The following RNGTT variants were observed in gnomAD, a reference collection of about 807,000 sequenced individuals.
The protein encoded by RNGTT is RNA guanylyltransferase and 5'-phosphatase, also known as mRNA-capping enzyme.
Under a neutral mutation model 79.3 loss-of-function variants are expected in RNGTT, and 33 were observed. The ratio of observed to expected loss-of-function variants is 0.42; its 90% CI spans 0.32 to 0.56. The LOEUF (loss-of-function observed/expected upper bound fraction) is 0.56. Among genes scored for constraint, RNGTT ranks in the 20% least tolerant of loss-of-function variants. RNGTT has a pLI of 0.17. For missense variants in RNGTT, 497 were observed against 739.1 expected, an observed-to-expected ratio of 0.67 and a Z score of 3.80; for synonymous variants, 222 against 235.9, an observed-to-expected ratio of 0.94 and a Z score of 0.54.
At chr6:88,950,047 T>G (rs760455783) in intron 1 of RNGTT, among the ~76,000 whole-genome samples, 1 of 150,158 alleles carries the variant, frequency 6.7e-6, no homozygotes, top group Non-Finnish European at 1.5e-5. Flanking sequence ...TTTACCATTC[T>G]GAAAATACTA....
At chr6:88,959,204 A>G (rs1785533160) in intron 1 of RNGTT, among the ~76,000 whole-genome samples, 1 of 149,996 alleles carries the variant, frequency 6.7e-6, no homozygotes, top group African/African-American at 2.5e-5. Context: ...TTGGGTACTC[A>G]GGGGGAAGTG....
At chr6:88,950,958 G>A (rs926310227) in intron 1 of RNGTT, among the ~76,000 whole-genome samples, 5 of 151,364 alleles carry the variant, frequency 3.3e-5, no homozygotes, top group African/African-American at 7.3e-5. Context: ...TCCCGGGTTC[G>A]AGTGATTCTC....
chr6:88,692,285 C>A (rs1421269780), intron 13 of RNGTT, among the ~76,000 whole-genome samples: 2 of 152,104 alleles, frequency 1.3e-5, no homozygotes, highest in Admixed American at 6.6e-5. Flanking sequence ...TGGTTATTTG[C>A]CAGCCCCTGC....
chr6:88,705,762 T>G (rs1056097363), intron 13 of RNGTT, among the ~76,000 whole-genome samples: 1 of 152,088 alleles, frequency 6.6e-6, no homozygotes, highest in Admixed American at 6.5e-5. Flanking sequence ...ACAGATAAAG[T>G]GAATTTATTG....
intron 13 of RNGTT, among the ~76,000 whole-genome samples, chr6:88,696,012 CAGGG>C (rs963823283): frequency 3.3e-5 from 5 of 152,078 alleles, no homozygotes; most frequent in South Asian, 2.1e-4. Flanking sequence ...ATGGGGGAAA[CAGGG>C]AGATGTTGAT....
intron 4 of RNGTT, among the ~76,000 whole-genome samples, chr6:88,927,564 A>T: frequency 6.6e-6 from 1 of 152,058 alleles, no homozygotes; most frequent in Non-Finnish European, 1.5e-5. Context: ...CAGGAGGCTG[A>T]GGCAGGAGAA....
rs140794663 is a variant in RNGTT, at chr6:88,904,580, T to C, written c.684+135A>G. 517 of 1,100,264 alleles carry C rather than the reference T, an allele frequency of 4.7e-4. 6 individuals carry two copies. The African/African-American group carries it at 7.9e-3, about 17-fold the overall frequency. 68.2% of individuals were successfully genotyped at this position (1,100,264 alleles called of 1,614,324 possible). A position where few individuals can be genotyped will look rare whatever the true frequency, so the allele number is the denominator to read the frequency against. On this transcript the variant is annotated intron_variant, in intron 6 of 15. Transcript: ENST00000369485. ...TTCTCTCCAAAAAAAAAAAATTTTTTTTTTAGAAAGGGCTAGGATGAATCA... is the reference window on the plus strand; with the variant it reads ...TTCTCTCCAAAAAAAAAAAATTTTTCTTTTAGAAAGGGCTAGGATGAATCA...
At chr6:88,650,064 A>C (rs1003111101) in intron 14 of RNGTT, among the ~76,000 whole-genome samples, 1 of 152,210 alleles carries the variant, frequency 6.6e-6, no homozygotes, top group African/African-American at 2.4e-5. Context: ...ACTTTGCTTA[A>C]GATTTTTACT....
chr6:88,800,393 A>G (rs1302248944), intron 12 of RNGTT, among the ~76,000 whole-genome samples: 1 of 152,182 alleles, frequency 6.6e-6, no homozygotes. Context: ...AATTAGAGAT[A>G]CTCAACCTGT....
intron 2 of RNGTT, among the ~76,000 whole-genome samples, chr6:88,936,497 C>T (rs1306464939): frequency 4.6e-5 from 7 of 152,146 alleles, no homozygotes; most frequent in South Asian, 2.1e-4. Flanking sequence ...ATTAGTATGA[C>T]GTTAGCTGTG....
intron 13 of RNGTT, among the ~76,000 whole-genome samples, chr6:88,759,292 T>C (rs1778126883): frequency 6.6e-6 from 1 of 152,220 alleles, no homozygotes; most frequent in Admixed American, 6.5e-5. Flanking sequence ...ACTTTCTTAC[T>C]TTCTGGCATA....
chr6:88,941,244 T>C, intron 1 of RNGTT, 64 bp from the exon 2 acceptor site: 4 of 1,120,148 alleles, frequency 3.6e-6, no homozygotes, highest in Non-Finnish European at 5.3e-6. Flanking sequence ...AATTCTATAA[T>C]TAACAATTCT....
At chr6:88,731,897 C>T (rs897394940) in intron 13 of RNGTT, among the ~76,000 whole-genome samples, 1 of 151,794 alleles carries the variant, frequency 6.6e-6, no homozygotes, top group Non-Finnish European at 1.5e-5. Flanking sequence ...GTATTATATA[C>T]TATATTCTTA....
chr6:88,786,358 C>T (rs550122004), intron 12 of RNGTT, among the ~76,000 whole-genome samples: 1 of 152,116 alleles, frequency 6.6e-6, no homozygotes, highest in Non-Finnish European at 1.5e-5. Context: ...CATTTTACTA[C>T]CAACTTTGTA....
Position 88,614,302 on chromosome 6 carries a change from T to G in RNGTT, c.1600A>C (p.Ser534Arg). 1.2e-6 allele frequency: 2 copies of G among 1,613,990 alleles called. No individual in the cohort carries two copies. The change falls in exon 15 of 16, where the codon AGT becomes CGT. Residue 534 changes from serine to arginine, a missense_variant. By Grantham distance (110) the Ser-to-Arg change is moderately radical. Coordinates refer to ENST00000369485, the MANE Select transcript of RNGTT (RefSeq NM_003800.5). ...GCAGTGTTGTAGGCATTAGGAAAACTTTTGTCTGTTCTCTGTCTCATGAAG... is the reference window on the plus strand; with the variant it reads ...GCAGTGTTGTAGGCATTAGGAAAACGTTTGTCTGTTCTCTGTCTCATGAAG... ...WVFMRQRTDKSFPNAYNTAMA... is the reference protein window; with the variant it reads ...WVFMRQRTDKRFPNAYNTAMA...
At chr6:88,696,151 C>G (rs568152291) in intron 13 of RNGTT, among the ~76,000 whole-genome samples, 1 of 152,112 alleles carries the variant, frequency 6.6e-6, no homozygotes, top group South Asian at 2.1e-4. Context: ...AAATTTCAAA[C>G]GTGCTCACCA....
chr6:88,776,000 A>T (rs1326260630), intron 12 of RNGTT, among the ~76,000 whole-genome samples: 1 of 152,172 alleles, frequency 6.6e-6, no homozygotes, highest in Non-Finnish European at 1.5e-5. Flanking sequence ...TGTAATGAAC[A>T]TGGGGGCATA....
At chr6:88,673,174 A>ATG (rs1379446796) in intron 14 of RNGTT, among the ~76,000 whole-genome samples, 2 of 152,212 alleles carry the variant, frequency 1.3e-5, no homozygotes, top group African/African-American at 2.4e-5. Flanking sequence ...ATGAATGAGA[A>ATG]TGTCTTTTCC....
At chr6:88,770,908 G>A (rs1778634092) in intron 12 of RNGTT, among the ~76,000 whole-genome samples, 1 of 152,008 alleles carries the variant, frequency 6.6e-6, no homozygotes. Context: ...TACCTTCTTT[G>A]GTGAAGTGTC....
Sources: allele counts gnomAD v4.1 joint callset (sites outside exome capture counted in the v4.1 genomes callset), GRCh38; gene constraint gnomAD v4.1.1; transcripts MANE v1.5; gene names NCBI Gene and HGNC (gene_info 2026-07-23, HGNC 2026-07-21).